Variants in ERCC4 observed in about 807,000 individuals in gnomAD.
The protein encoded by ERCC4 is ERCC excision repair 4, endonuclease catalytic subunit.
ERCC4 carries 65 observed loss-of-function variants against 76.9 expected under a neutral mutation model. That is an observed-to-expected ratio of 0.84 (90% confidence interval 0.69 to 1.04). ERCC4 has a LOEUF of 1.04. Among genes scored for constraint, ERCC4 ranks in the 50% least tolerant of loss-of-function variants. ERCC4 has a pLI of 0.00. For synonymous variants in ERCC4, 463 were observed against 410.1 expected (o/e 1.13, Z -1.56); for missense variants, 1,214 against 1,128.2 (o/e 1.08, Z -1.09).
chr16:13,937,086 A>ATTTTTTTTTTTTTTTTTT (rs71150154), intron 8 of ERCC4, among the ~76,000 whole-genome samples: 5 of 128,706 alleles, frequency 3.9e-5, no homozygotes, highest in African/African-American at 8.7e-5. Context: ...TGCTCAACTA[A>ATTTTTTTTTTTTTTTTTT]TTTTTTTTTT....
Position 13,926,702 on chromosome 16 carries a change from A to C in ERCC4, c.530A>C (p.His177Pro). The change falls in exon 3 of 11, where the codon CAT becomes CCT. Residue 177 changes from histidine to proline, a missense_variant. Transcript: ENST00000311895. Reference protein sequence around the residue: ...NAVAFDTGFCHVERVMRNLFV... With the variant: ...NAVAFDTGFCPVERVMRNLFV... ...GTTGCCTTTGATACTGGTTTTTGTC[A>C]TGTGGAAAGAGTGATGAGAAATCTT... 6.2e-7 allele frequency: 1 copy of C among 1,614,148 alleles called. No homozygotes were observed. The highest frequency in any genetic ancestry group is 8.5e-7 in the Non-Finnish European group (1 of 1,179,994).
chr16:13,920,389 G>C lies in ERCC4; in HGVS notation c.207+17G>C. 6.5e-7 allele frequency: 1 copy of C among 1,549,022 alleles called. No individual in the cohort carries two copies. Among genetic ancestry groups the C allele is most frequent in the Non-Finnish European group, 8.7e-7 (1 of 1,153,642 alleles). Reference sequence around the variant, plus strand: ...GCCGAGGAGGTGCGGCCGCGCTGGCGCGGGAGTGAGGGGACTCCGAGAGTG... The same window carrying C: ...GCCGAGGAGGTGCGGCCGCGCTGGCCCGGGAGTGAGGGGACTCCGAGAGTG... On this transcript the variant is annotated intron_variant, in intron 1 of 10. Coordinates refer to ENST00000311895, the MANE Select transcript of ERCC4 (RefSeq NM_005236.3).
At chr16:13,932,981 G>T (rs551655883) in intron 6 of ERCC4, 152 of 259,376 alleles carry the variant, frequency 5.9e-4, no homozygotes, top group African/African-American at 3.5e-3. Context: ...AGGAGGCGGA[G>T]GTTGCAGTGA....
At position 13,930,730 on chromosome 16, in the gene ERCC4, T is replaced by A. The variant is rs1199945288; in HGVS notation, c.813T>A (p.Asp271Glu). Reference sequence around the variant, plus strand: ...TTTAGACAATCCGCCATTATCTGGATCCTTTGTGGCACCAGCTTGGAGCCA... The same window carrying A: ...TTTAGACAATCCGCCATTATCTGGAACCTTTGTGGCACCAGCTTGGAGCCA... ...PFDKTIRHYL[D>E]PLWHQLGAKT... The change falls in exon 5 of 11, where the codon GAT becomes GAA. Residue 271 changes from aspartate (D) to glutamate (E), a missense_variant. Asp to Glu is a conservative substitution (Grantham distance 45). Transcript: ENST00000311895. The A allele has an allele frequency of 6.2e-7, 1 of 1,613,872 alleles. No individual in the cohort carries two copies. Among genetic ancestry groups the A allele is most frequent in the South Asian group, 1.1e-5 (1 of 91,076 alleles).
chr16:13,941,205 A>G (rs2032407034), intron 9 of ERCC4, among the ~76,000 whole-genome samples: 2 of 152,206 alleles, frequency 1.3e-5, no homozygotes, highest in Admixed American at 6.5e-5. Context: ...AATCCATAGA[A>G]AAATTTCTGC....
At chr16:13,921,411 G>A (rs956792942) in intron 1 of ERCC4, among the ~76,000 whole-genome samples, 18 of 152,140 alleles carry the variant, frequency 1.2e-4, no homozygotes, top group African/African-American at 4.3e-4. Context: ...GATATATCAG[G>A]TGGCCGGGAG....
intron 10 of ERCC4, among the ~76,000 whole-genome samples, chr16:13,946,969 C>T (rs570101360): frequency 9.9e-5 from 15 of 152,268 alleles, no homozygotes; most frequent in African/African-American, 2.9e-4. Context: ...ACCATGTTAG[C>T]CAGGATGGTC....
At chr16:13,936,118 ATATCT>A (rs2032287039) in intron 8 of ERCC4, among the ~76,000 whole-genome samples, 1 of 152,316 alleles carries the variant, frequency 6.6e-6, no homozygotes, top group Non-Finnish European at 1.5e-5. Flanking sequence ...ATCTTCTAAA[ATATCT>A]TTCCTATAAA....
rs760553358 is a variant in ERCC4, at chr16:13,944,835, G to C, written c.2017G>C (p.Gly673Arg). Residue 673 changes from glycine (G) to arginine (R), a missense_variant and splice_region_variant, in exon 10 of 11, where the codon GGT (glycine) becomes CGT (arginine). Physicochemically the swap from Gly to Arg is moderately radical, Grantham distance 125. Coordinates refer to ENST00000311895, the MANE Select transcript of ERCC4 (RefSeq NM_005236.3). Reference sequence around the variant, plus strand: ...TGTTTCCACTGACACTCGGAAAGCCGGTGAGTCCTGCACTTTGTCAGGCAC... The same window carrying C: ...TGTTTCCACTGACACTCGGAAAGCCCGTGAGTCCTGCACTTTGTCAGGCAC... ...ADVSTDTRKA[G>R]GQEQNGTQQS... 6.3e-7 allele frequency: 1 copy of C among 1,590,690 alleles called. No individual in the cohort carries two copies. The highest frequency in any genetic ancestry group is 1.1e-5 in the South Asian group (1 of 90,540).
At position 13,930,731 on chromosome 16, in the gene ERCC4, C is replaced by A; in HGVS notation, c.814C>A (p.Pro272Thr). Residue 272 changes from proline (P) to threonine (T), a missense_variant, in exon 5 of 11, where the codon CCT (proline) becomes ACT (threonine). Transcript: ENST00000311895. ...TTAGACAATCCGCCATTATCTGGAT[C>A]CTTTGTGGCACCAGCTTGGAGCCAA... ...FDKTIRHYLDPLWHQLGAKTK... is the reference protein window; with the variant it reads ...FDKTIRHYLDTLWHQLGAKTK... 6.2e-7 allele frequency: 1 copy of A among 1,613,820 alleles called. No homozygotes were observed. Among genetic ancestry groups the A allele is most frequent in the South Asian group, 1.1e-5 (1 of 91,082 alleles).
intron 5 of ERCC4, chr16:13,931,166 TTAGAAA>T: frequency 2.5e-6 from 1 of 405,718 alleles, no homozygotes; most frequent in Non-Finnish European, 4.5e-6. Flanking sequence ...AGTCCTCAAC[TTAGAAA>T]TAGGTTGTGT....
Position 13,932,260 on chromosome 16 carries a change from A to G in ERCC4, c.1077A>G (p.Glu359=). ...AKMSKKEKIS[E]KMEIKEGEET... ...TGAGTAAAAAAGAAAAAATATCTGA[A>G]AAAATGGAAATTAAAGAAGGGGAAG... is the stretch of plus-strand genomic sequence containing the variant. Residue 359 remains glutamate, a synonymous_variant, in exon 6 of 11, where the codon GAA becomes GAG. Coordinates refer to ENST00000311895, the MANE Select transcript of ERCC4 (RefSeq NM_005236.3). 1.2e-6 allele frequency: 2 copies of G among 1,611,296 alleles called. No homozygotes were observed. Among genetic ancestry groups the G allele is most frequent in the East Asian group, 4.5e-5 (2 of 44,870 alleles).
In ERCC4 at chr16:13,932,306, T is replaced by A. The variant is rs778602099; in HGVS notation, c.1102+21T>A. On this transcript the variant is annotated intron_variant, in intron 6 of 10. Coordinates refer to ENST00000311895, the MANE Select transcript of ERCC4 (RefSeq NM_005236.3). ...GGAAGGTATCTTGTGGGGTTAAGTC[T>A]TTAAATGTGTTTTTTATTTCGGTAT... 4 of 1,598,758 alleles carry A rather than the reference T, an allele frequency of 2.5e-6. No individual in the cohort carries two copies. In the African/African-American group the frequency reaches 5.4e-5, roughly 21 times the overall value.
Position 13,935,630 on chromosome 16 carries a change from G to C in ERCC4, c.1698G>C (p.Leu566=). 1 of 1,614,062 alleles carries C rather than the reference G, an allele frequency of 6.2e-7. No individual in the cohort carries two copies. Among genetic ancestry groups the C allele is most frequent in the Non-Finnish European group, 8.5e-7 (1 of 1,179,972 alleles). ...PLLGCSDPYA[L]TRVLHEVEPR... ...TGGGTTGCAGCGACCCCTATGCTCT[G>C]ACAAGGGTACTACATGAAGTGGAGC... The change falls in exon 8 of 11, where the codon CTG becomes CTC. Residue 566 remains leucine (L), a synonymous_variant. Transcript: ENST00000311895.
Position 13,951,396 on chromosome 16 carries a change from T to C in ERCC4, c.*3049T>C, listed in dbSNP as rs1436724930. The C allele has an allele frequency of 5.0e-6, 1 of 200,586 alleles. No individual in the cohort carries two copies. Among genetic ancestry groups the C allele is most frequent in the Non-Finnish European group, 1.0e-5 (1 of 97,382 alleles). The allele number at this position is 200,586 out of a possible 1,614,324, so 12.4% of individuals were successfully genotyped here. ...TATAAAAAGGTGAACATATGAGATA[T>C]TGTGAGAAATCATTTTAAGTTTCAT... On this transcript the variant is annotated 3_prime_UTR_variant, in exon 11 of 11. Transcript: ENST00000311895.
Position 13,927,658 on chromosome 16 carries a change from A to T in ERCC4, c.585-370A>T, listed in dbSNP as rs143640900. ...AAACTCTTCATGTAAATGGCCAGGT[A>T]GTAAATATTTTGGGCTTTGCAGGCC... On this transcript the variant is annotated intron_variant, in intron 3 of 10. Transcript: ENST00000311895. 3.5e-3 allele frequency: 719 copies of T among 204,008 alleles called. 4 individuals carry two copies. Among genetic ancestry groups the T allele is most frequent in the African/African-American group, 0.016 (672 of 42,536 alleles). The allele number at this position is 204,008 out of a possible 1,614,324, so 12.6% of individuals were successfully genotyped here. A position where few individuals can be genotyped will look rare whatever the true frequency, so the allele number is the denominator to read the frequency against.
intron 2 of ERCC4, among the ~76,000 whole-genome samples, chr16:13,925,213 C>T (rs559214216): frequency 5.3e-5 from 8 of 152,348 alleles, no homozygotes; most frequent in Admixed American, 5.2e-4. Flanking sequence ...TCTTCTTCCT[C>T]CTGGGTTCCA....
chr16:13,925,013 G>A, intron 2 of ERCC4, among the ~76,000 whole-genome samples: 1 of 152,232 alleles, frequency 6.6e-6, no homozygotes, highest in Admixed American at 6.5e-5. Flanking sequence ...TGACTAAATA[G>A]GAATAACATG....
intron 9 of ERCC4, among the ~76,000 whole-genome samples, chr16:13,939,674 A>T (rs545170945): frequency 6.6e-6 from 1 of 152,258 alleles, no homozygotes; most frequent in Non-Finnish European, 1.5e-5. Flanking sequence ...GGACTTAGGT[A>T]TGTTTGTAAA....
Sources: allele counts gnomAD v4.1 joint callset (sites outside exome capture counted in the v4.1 genomes callset), GRCh38; gene constraint gnomAD v4.1.1; transcripts MANE v1.5; gene names NCBI Gene and HGNC (gene_info 2026-07-23, HGNC 2026-07-21).